FILIP1L: variants seen among roughly 807,000 people sequenced by gnomAD.
The protein encoded by FILIP1L is filamin A-interacting protein 1-like.
Under a neutral mutation model 96.6 loss-of-function variants are expected in FILIP1L, and 55 were observed. The observed-to-expected ratio is 0.57, with a 90% confidence interval of 0.46 to 0.71. The LOEUF (loss-of-function observed/expected upper bound fraction) is 0.71, where lower values mean the gene tolerates loss of function less well. FILIP1L is among the 30% of genes least tolerant of loss of function. FILIP1L has a pLI of 0.00. For synonymous variants in FILIP1L, 467 were observed against 473.9 expected (o/e 0.99, Z 0.19); for missense variants, 1,304 against 1,321.2 (o/e 0.99, Z 0.20).
chr3:99,847,851 TA>T, intron 5 of FILIP1L: 2 of 723,842 alleles, frequency 2.8e-6, no homozygotes, highest in Non-Finnish European at 3.4e-6. Flanking sequence ...ATAGAGACTA[TA>T]AGCAAAAGAC....
intron 4 of FILIP1L, among the ~76,000 whole-genome samples, chr3:99,895,222 A>G (rs1393079835): frequency 3.0e-4 from 46 of 152,172 alleles, no homozygotes; most frequent in Admixed American, 3.0e-3. Context: ...TAGCTGTCTC[A>G]GGTTCAAGCA....
At chr3:99,995,069 A>G (rs1207869280) in intron 1 of FILIP1L, among the ~76,000 whole-genome samples, 1 of 152,184 alleles carries the variant, frequency 6.6e-6, no homozygotes, top group Admixed American at 6.5e-5. Flanking sequence ...AACTCATTTC[A>G]GCATTAACCC....
Position 99,850,023 on chromosome 3 carries a change from G to A in FILIP1L, c.1653C>T (p.Thr551=), listed in dbSNP as rs558970547. Residue 551 remains threonine, a synonymous_variant, in exon 5 of 6, where the codon ACC becomes ACT. Coordinates refer to ENST00000477258, the MANE Select transcript of FILIP1L (RefSeq NM_001387850.1). ...EETKRALKSK[T]DVEEKMYSVT... Reference sequence around the variant, plus strand: ...CGCTGTACATCTTTTCTTCTACATCGGTTTTGGACTTGAGCGCCCTTTTAG... The same window carrying A: ...CGCTGTACATCTTTTCTTCTACATCAGTTTTGGACTTGAGCGCCCTTTTAG... 50 of 1,607,114 alleles carry A rather than the reference G, an allele frequency of 3.1e-5. 1 individual carries two copies. The East Asian group carries it at 7.6e-4, about 24-fold the overall frequency.
At chr3:99,959,493 A>T (rs1022253798) in intron 1 of FILIP1L, among the ~76,000 whole-genome samples, 3 of 152,190 alleles carry the variant, frequency 2.0e-5, no homozygotes, top group African/African-American at 7.2e-5. Context: ...TATAAATATT[A>T]AAAAGAAGAG....
intron 4 of FILIP1L, among the ~76,000 whole-genome samples, chr3:99,918,241 G>A (rs932610392): frequency 3.9e-5 from 6 of 152,122 alleles, no homozygotes; most frequent in Admixed American, 1.3e-4. Context: ...TTCCCAAAGT[G>A]CTAGGATTAC....
At chr3:99,968,599 G>A (rs1708724631) in intron 1 of FILIP1L, among the ~76,000 whole-genome samples, 1 of 152,104 alleles carries the variant, frequency 6.6e-6, no homozygotes, top group African/African-American at 2.4e-5. Flanking sequence ...AATTGCACAA[G>A]GAGAATATAT....
At chr3:99,913,838 C>G (rs915572479) in intron 4 of FILIP1L, among the ~76,000 whole-genome samples, 6 of 152,164 alleles carry the variant, frequency 3.9e-5, no homozygotes, top group African/African-American at 1.4e-4. Context: ...TATTCAGTCT[C>G]ATGAATCTTG....
chr3:99,849,064 C>T lies in FILIP1L; in HGVS notation c.2612G>A (p.Gly871Asp). The part of the protein sequence containing the change: ...LWIPWMKSKE[G>D]HLQNGKMQTK... ...TTGCATTTTTCCATTCTGAAGATGGCCCTCCTTGGATTTCATCCAGGGAAT... is the reference window on the plus strand; with the variant it reads ...TTGCATTTTTCCATTCTGAAGATGGTCCTCCTTGGATTTCATCCAGGGAAT... Residue 871 changes from glycine (G) to aspartate (D), a missense_variant, in exon 5 of 6, where the codon GGC becomes GAC. Coordinates refer to ENST00000477258, the MANE Select transcript of FILIP1L (RefSeq NM_001387850.1). The T allele has an allele frequency of 6.2e-7, 1 of 1,614,126 alleles. No individual in the cohort carries two copies. The highest frequency in any genetic ancestry group is 1.7e-4 in the Middle Eastern group (1 of 6,060).
At chr3:99,862,510 A>T (rs1418188401) in intron 4 of FILIP1L, among the ~76,000 whole-genome samples, 1 of 152,108 alleles carries the variant, frequency 6.6e-6, no homozygotes, top group East Asian at 1.9e-4. Flanking sequence ...CATTTTGGTT[A>T]ATTCTTTGTT....
intron 4 of FILIP1L, among the ~76,000 whole-genome samples, chr3:99,916,753 T>A (rs549427630): frequency 1.3e-5 from 2 of 152,134 alleles, no homozygotes; most frequent in South Asian, 4.1e-4. Context: ...TTGTTCTAAC[T>A]CGAGTCTATG....
intron 1 of FILIP1L, among the ~76,000 whole-genome samples, chr3:100,083,737 C>G (rs534769522): frequency 2.5e-4 from 38 of 152,114 alleles, no homozygotes; most frequent in African/African-American, 9.2e-4. Flanking sequence ...ATCACCATTT[C>G]TTTGTTTGTT....
chr3:100,000,015 C>T (rs758421174), intron 1 of FILIP1L, among the ~76,000 whole-genome samples: 16 of 152,162 alleles, frequency 1.1e-4, no homozygotes, highest in Non-Finnish European at 2.2e-4. Flanking sequence ...ATACCAGACT[C>T]CACCTCCAGA....
At chr3:99,944,971 C>T (rs935736752) in intron 1 of FILIP1L, among the ~76,000 whole-genome samples, 2 of 152,178 alleles carry the variant, frequency 1.3e-5, no homozygotes, top group African/African-American at 2.4e-5. Context: ...GTTCATTATT[C>T]GGCTCATTCT....
intron 1 of FILIP1L, among the ~76,000 whole-genome samples, chr3:100,105,543 A>G (rs913418584): frequency 1.1e-4 from 17 of 152,338 alleles, no homozygotes; most frequent in South Asian, 4.1e-4. Flanking sequence ...TTAAAGGGCT[A>G]TAAGATTAAC....
intron 1 of FILIP1L, among the ~76,000 whole-genome samples, chr3:100,094,030 A>G (rs541462684): frequency 6.6e-6 from 1 of 152,174 alleles, no homozygotes; most frequent in Non-Finnish European, 1.5e-5. Context: ...TACTGTACCA[A>G]CTTACATTCC....
intron 1 of FILIP1L, among the ~76,000 whole-genome samples, chr3:100,007,853 A>G (rs556467076): frequency 1.3e-5 from 2 of 152,292 alleles, no homozygotes; most frequent in East Asian, 1.9e-4. Flanking sequence ...ACAGGTGTCT[A>G]TTGGTGTCTG....
rs1332008082 is a variant in FILIP1L, at chr3:99,850,238, C to G, written c.1438G>C (p.Glu480Gln). 2 of 1,613,544 alleles carry G rather than the reference C, an allele frequency of 1.2e-6. No homozygotes were observed. Among genetic ancestry groups the G allele is most frequent in the Middle Eastern group, 1.6e-4 (1 of 6,084 alleles). ...TCTTTTAGAGTGAATTCTGTCTTTT[C>G]TAGCCGACTTTCAATGGCTTCTAGC... Reference protein sequence around the residue: ...KELEAIESRLEKTEFTLKEDL... With the variant: ...KELEAIESRLQKTEFTLKEDL... Residue 480 changes from glutamate (E) to glutamine (Q), a missense_variant, in exon 5 of 6, where the codon GAA (glutamate) becomes CAA (glutamine). By Grantham distance (29) the Glu-to-Gln change is conservative. Transcript: ENST00000477258.
chr3:99,904,235 G>C (rs74955263), intron 4 of FILIP1L, among the ~76,000 whole-genome samples: 1 of 152,150 alleles, frequency 6.6e-6, no homozygotes, highest in African/African-American at 2.4e-5. Flanking sequence ...AGGCCAGATT[G>C]TTTCACCATT....
chr3:99,848,871 C>G lies in FILIP1L; in HGVS notation c.2805G>C (p.Val935=). The G allele has an allele frequency of 1.9e-6, 3 of 1,614,070 alleles. No individual in the cohort carries two copies. Among genetic ancestry groups the G allele is most frequent in the Non-Finnish European group, 2.5e-6 (3 of 1,180,000 alleles). ...GCTTTGGCGTGCCACAGTTCGGTAT[C>G]ACTGCAGTACTCGTGTAAGAGTGAG... ...ESPHSYTSTA[V]IPNCGTPKQR... The change falls in exon 5 of 6, where the codon GTG becomes GTC. Residue 935 remains valine, a synonymous_variant. Coordinates refer to ENST00000477258, the MANE Select transcript of FILIP1L (RefSeq NM_001387850.1).
Sources: gnomAD v4.1 joint callset for allele counts (sites outside exome capture counted in the v4.1 genomes callset) on GRCh38, gnomAD v4.1.1 for gene constraint, MANE v1.5 for transcripts, NCBI Gene and HGNC (gene_info 2026-07-23, HGNC 2026-07-21) for gene names.